CACNA1I: variants seen among roughly 807,000 people sequenced by gnomAD.
CACNA1I encodes the protein calcium voltage-gated channel subunit alpha1 I, also known as voltage-dependent T-type calcium channel subunit alpha-1I.
Under a neutral mutation model 201.6 loss-of-function variants are expected in CACNA1I, and 74 were observed. The observed-to-expected ratio is 0.37, with a 90% CI of 0.30 to 0.45. The LOEUF (loss-of-function observed/expected upper bound fraction) is 0.45. Among genes scored for constraint, CACNA1I ranks in the 20% least tolerant of loss-of-function variants. The pLI is 1.00. For synonymous variants in CACNA1I, 1,431 were observed against 1,345.2 expected, an observed-to-expected ratio of 1.06 and a Z score of -1.40; for missense variants, 2,346 against 3,138.1, an observed-to-expected ratio of 0.75 and a Z score of 6.03.
chr22:39,607,546 G>T (rs1002669355), intron 3 of CACNA1I, among the ~76,000 whole-genome samples: 6 of 152,242 alleles, frequency 3.9e-5, no homozygotes, highest in African/African-American at 1.2e-4. Flanking sequence ...GGACTGAAAG[G>T]TACAGGTCAT....
chr22:39,668,947 T>C (rs1347560800), intron 24 of CACNA1I, among the ~76,000 whole-genome samples: 1 of 152,070 alleles, frequency 6.6e-6, no homozygotes, highest in Non-Finnish European at 1.5e-5. Context: ...CAGTGCAGCT[T>C]CCTGAGGGCT....
At chr22:39,586,913 C>T (rs909828925) in intron 1 of CACNA1I, among the ~76,000 whole-genome samples, 3 of 152,188 alleles carry the variant, frequency 2.0e-5, no homozygotes, top group Non-Finnish European at 2.9e-5. Context: ...TCAAGGAAGC[C>T]TTCCTGCCTG....
At chr22:39,583,069 C>CATCT (rs1932618697) in intron 1 of CACNA1I, among the ~76,000 whole-genome samples, 1 of 149,476 alleles carries the variant, frequency 6.7e-6, no homozygotes, top group South Asian at 2.1e-4. Context: ...TCCATCCATC[C>CATCT]ATCCATCCAT....
At chr22:39,578,276 T>C (rs562434291) in intron 1 of CACNA1I, among the ~76,000 whole-genome samples, 4 of 152,140 alleles carry the variant, frequency 2.6e-5, no homozygotes, top group African/African-American at 9.6e-5. Context: ...CACCTCTCAG[T>C]TCTGCTCCAG....
intron 7 of CACNA1I, among the ~76,000 whole-genome samples, chr22:39,643,881 G>GC (rs1934409533): frequency 6.6e-6 from 1 of 152,244 alleles, no homozygotes; most frequent in Non-Finnish European, 1.5e-5. Context: ...CAGGCCCTGA[G>GC]CCAAGTGCTA....
intron 10 of CACNA1I, chr22:39,656,349 T>C (rs113026785): frequency 1.2e-4 from 63 of 513,104 alleles, no homozygotes; most frequent in African/African-American, 9.1e-4. Flanking sequence ...GCCAGCTGGG[T>C]CCTCCACCTG....
intron 1 of CACNA1I, among the ~76,000 whole-genome samples, chr22:39,578,707 G>C (rs1299103246): frequency 6.6e-6 from 1 of 152,158 alleles, no homozygotes; most frequent in Non-Finnish European, 1.5e-5. Context: ...TCATTTGTGT[G>C]CTGATTCTTT....
rs1260786338 is a variant in CACNA1I, at chr22:39,649,599, T to C, written c.1666T>C (p.Cys556Arg). Residue 556 changes from cysteine to arginine, a missense_variant, in exon 10 of 37, where the codon TGC becomes CGC. Around this residue, in one of 13 missense-constraint regions of CACNA1I, gnomAD observed 312 missense variants for 331.5 expected, o/e 0.94. Transcript: ENST00000402142. The surrounding 1 kb of genome is among the most constrained non-coding windows in gnomAD (Gnocchi z 7.3). ...LASDPASCPC[C>R]QHEDGRRPSG... ...TTCCGATCCCGCCAGCTGCCCTTGC[T>C]GCCAGCATGAGGACGGCCGGCGGCC... The C allele has an allele frequency of 6.5e-7, 1 of 1,543,066 alleles. No individual in the cohort carries two copies. Among genetic ancestry groups the C allele is most frequent in the Non-Finnish European group, 8.7e-7 (1 of 1,143,440 alleles).
At chr22:39,633,484 C>G (rs147705988) in intron 4 of CACNA1I, among the ~76,000 whole-genome samples, 93 of 152,316 alleles carry the variant, frequency 6.1e-4, no homozygotes, top group African/African-American at 2.2e-3. Flanking sequence ...GAAGGATGAA[C>G]TCTACCTGGG....
At chr22:39,680,783 ACAT>A in intron 33 of CACNA1I, 144 bp from the exon 34 acceptor site, 1 of 817,726 alleles carries the variant, frequency 1.2e-6, no homozygotes, top group Non-Finnish European at 1.8e-6. Flanking sequence ...CAGGATGGAC[ACAT>A]CATCCGTGTC....
chr22:39,682,713 G>A, intron 35 of CACNA1I, 52 bp downstream of exon 35: 1 of 1,513,910 alleles, frequency 6.6e-7, no homozygotes. Flanking sequence ...TTGGGCATCT[G>A]CTTCAGAGGG....
chr22:39,640,870 A>G lies in CACNA1I; in HGVS notation c.744A>G (p.Gln248=), dbSNP rs1269573863. 2 of 1,611,496 alleles carry G rather than the reference A, an allele frequency of 1.2e-6. No individual in the cohort carries two copies. The highest frequency in any genetic ancestry group is 1.7e-6 in the Non-Finnish European group (2 of 1,178,602). ...RCFLEENFTI[Q]GDVALPPYYQ... ...ACCCACCCTCGCCTGTGGACAGACA[A>G]GGGGATGTGGCCTTGCCCCCATACT... The change falls in exon 6 of 37, where the codon CAA becomes CAG. Residue 248 remains glutamine (Q), a synonymous_variant. Transcript: ENST00000402142.
At chr22:39,620,649 C>A (rs1485988934) in intron 4 of CACNA1I, among the ~76,000 whole-genome samples, 2 of 152,236 alleles carry the variant, frequency 1.3e-5, no homozygotes, top group Non-Finnish European at 2.9e-5. Flanking sequence ...GGTCTTCTGA[C>A]TCCTCACTGC....
rs1933987911 is a variant in CACNA1I at position 39,629,375 on chromosome 22, T to G, written c.581-5190T>G. ...TGGCTCCAGGCCCCAAACCTTGGAG[T>G]CGTCCCCAACTGCCCTCTTCCTCCT... On this transcript the variant is annotated intron_variant, in intron 4 of 36. Transcript: ENST00000402142. This position sits in a 1 kb window ranked among gnomAD's most constrained non-coding sequence, Gnocchi z 4.8. 6.6e-6 allele frequency among the ~76,000 whole-genome samples: 1 copy of G among 151,438 alleles called. No individual in the cohort carries two copies. Among genetic ancestry groups the G allele is most frequent in the Non-Finnish European group, 1.5e-5 (1 of 67,894 alleles).
In CACNA1I at chr22:39,670,046, C is replaced by G. The variant is rs1339741167; in HGVS notation, c.4203C>G (p.Thr1401=). 6.2e-7 allele frequency: 1 copy of G among 1,612,178 alleles called. No individual in the cohort carries two copies. The highest frequency in any genetic ancestry group is 8.5e-7 in the Non-Finnish European group (1 of 1,179,862). Residue 1401 remains threonine (T), a synonymous_variant, in exon 25 of 37, where the codon ACC becomes ACG. Transcript: ENST00000402142. Reference sequence around the variant, plus strand: ...TTCTGACTCCCCTGCAGCCTGTGACCAACCACAACCCCTGGATGCTGCTGT... The same window carrying G: ...TTCTGACTCCCCTGCAGCCTGTGACGAACCACAACCCCTGGATGCTGCTGT... ...DAVAVDQQPV[T]NHNPWMLLYF...
rs999038932 is a variant in CACNA1I at position 39,649,344 on chromosome 22, C to T, written c.1568-157C>T. ...CAGACAAAGCTCAGAGAGCTGCAGCCGCTTCCCCAGGCACCCCTGACCGCC... is the reference window on the plus strand; with the variant it reads ...CAGACAAAGCTCAGAGAGCTGCAGCTGCTTCCCCAGGCACCCCTGACCGCC... On this transcript the variant is annotated intron_variant, in intron 9 of 36. Coordinates refer to ENST00000402142, the MANE Select transcript of CACNA1I (RefSeq NM_021096.4). The surrounding 1 kb of genome is among the most constrained non-coding windows in gnomAD (Gnocchi z 7.3). Among the ~76,000 whole-genome samples, 6 of 152,264 alleles carry T rather than the reference C, an allele frequency of 3.9e-5. No individual in the cohort carries two copies. Among genetic ancestry groups the T allele is most frequent in the Admixed American group, 1.3e-4 (2 of 15,292 alleles).
chr22:39,652,050 T>TTC, intron 10 of CACNA1I, among the ~76,000 whole-genome samples: 1 of 151,614 alleles, frequency 6.6e-6, no homozygotes, highest in South Asian at 2.1e-4. Flanking sequence ...TTTTTTTTTT[T>TTC]TGAGATGGAG....
chr22:39,679,392 G>A lies in CACNA1I; in HGVS notation c.5341G>A (p.Gly1781Ser), dbSNP rs1251811015. 2.4e-5 allele frequency: 35 copies of A among 1,488,844 alleles called. No individual in the cohort carries two copies. Among genetic ancestry groups the A allele is most frequent in the East Asian group, 5.2e-5 (2 of 38,692 alleles). 92.2% of individuals were successfully genotyped at this position (1,488,844 alleles called of 1,614,324 possible). A position where few individuals can be genotyped will look rare whatever the true frequency, so the allele number is the denominator to read the frequency against. ...APGRGPGGAG[G>S]GGDTEGGLCR... ...TGGCCGAGGGCCGGGAGGGGCGGGC[G>A]GCGGGGGCGACACCGAGGGCGGCTT... Residue 1781 changes from glycine to serine, a missense_variant, in exon 32 of 37, where the codon GGC (glycine) becomes AGC (serine). By Grantham distance (56) the Gly-to-Ser change is moderately conservative. Coordinates refer to ENST00000402142, the MANE Select transcript of CACNA1I (RefSeq NM_021096.4).
chr22:39,653,589 C>T (rs1034005274), intron 10 of CACNA1I, among the ~76,000 whole-genome samples: 1 of 152,164 alleles, frequency 6.6e-6, no homozygotes, highest in Non-Finnish European at 1.5e-5. Flanking sequence ...GCAGGGGAGG[C>T]AGCATGGGGG....
Sources: gnomAD v4.1 joint callset for allele counts (sites outside exome capture counted in the v4.1 genomes callset) on GRCh38, gnomAD v4.1.1 for gene constraint, gnomAD v4.1.1 regional missense constraint, Gnocchi (gnomAD v3.1) non-coding constraint, MANE v1.5 for transcripts, NCBI Gene and HGNC (gene_info 2026-07-23, HGNC 2026-07-21) for gene names.